DACH1: variants seen among roughly 807,000 people sequenced by gnomAD.
The protein encoded by DACH1 is dachshund family transcription factor 1.
A neutral mutation model predicts 54.2 loss-of-function variants in DACH1; 12 were observed. The ratio of observed to expected loss-of-function variants is 0.22; its 90% confidence interval spans 0.14 to 0.36. The LOEUF is 0.36. DACH1 is among the 10% of genes least tolerant of loss of function. The probability of loss-of-function intolerance (pLI) is 1.00; values close to 1 mark genes in which losing one functional copy is unlikely to be tolerated. For missense variants in DACH1, 805 were observed against 929.8 expected (o/e 0.87, Z 1.75); for synonymous variants, 386 against 366.2 (o/e 1.05, Z -0.62).
chr13:71,674,513 T>C (rs932771513), intron 2 of DACH1, among the ~76,000 whole-genome samples: 3 of 148,888 alleles, frequency 2.0e-5, no homozygotes, highest in Non-Finnish European at 4.4e-5. Flanking sequence ...GAGTCAGAAA[T>C]TGGAGCCAGG....
intron 7 of DACH1, among the ~76,000 whole-genome samples, chr13:71,483,485 A>G (rs1017101751): frequency 4.1e-5 from 6 of 147,018 alleles, no homozygotes; most frequent in African/African-American, 1.5e-4. Context: ...AATAAATAAT[A>G]TATTAATATA....
At position 71,438,698 on chromosome 13, in the gene DACH1, C is replaced by T. The variant is rs1416028645; in HGVS notation, c.*1957G>A. 1 of 152,326 alleles carries T rather than the reference C, an allele frequency of 6.6e-6. No individual in the cohort carries two copies. The highest frequency in any genetic ancestry group is 1.5e-5 in the Non-Finnish European group (1 of 67,890). The allele number at this position is 152,326 out of a possible 1,614,324, so 9.4% of individuals were successfully genotyped here. The stretch of plus-strand genomic sequence containing the variant: ...AAAATCTTTCAAAAAATGTATGATG[C>T]AAAAAGCTTGACACAAGTCCATTCA... On this transcript the variant is annotated 3_prime_UTR_variant, in exon 11 of 11. Transcript: ENST00000613252.
intron 2 of DACH1, among the ~76,000 whole-genome samples, chr13:71,678,139 T>C (rs1292954314): frequency 6.6e-6 from 1 of 152,188 alleles, no homozygotes; most frequent in Non-Finnish European, 1.5e-5. Context: ...CTTCTCAGAA[T>C]ACAAAAGTAC....
chr13:71,573,121 C>T (rs1055583766), intron 3 of DACH1, 109 bp from the exon 4 acceptor site: 193 of 1,143,898 alleles, frequency 1.7e-4, no homozygotes, highest in Non-Finnish European at 2.1e-4. Flanking sequence ...AATATTTTTC[C>T]TCTTCATATG....
At chr13:71,552,770 TATATATATATATATGGATGTGA>T (rs1183908325) in intron 6 of DACH1, among the ~76,000 whole-genome samples, 1 of 128,062 alleles carries the variant, frequency 7.8e-6, no homozygotes, top group African/African-American at 3.0e-5. Flanking sequence ...TTCATGCATA[TATATATATATATATGGATGTGA>T]ATATATATAT....
chr13:71,856,089 T>A (rs1400949786), intron 1 of DACH1, among the ~76,000 whole-genome samples: 1 of 151,950 alleles, frequency 6.6e-6, no homozygotes. Context: ...AATATTTTTT[T>A]AATTTCTTAA....
At chr13:71,551,601 T>C (rs1883821456) in intron 6 of DACH1, among the ~76,000 whole-genome samples, 1 of 152,156 alleles carries the variant, frequency 6.6e-6, no homozygotes, top group African/African-American at 2.4e-5. Context: ...TGTAGTTCCA[T>C]TCATGTTGCT....
At chr13:71,853,166 C>T (rs2138269581) in intron 1 of DACH1, among the ~76,000 whole-genome samples, 1 of 152,288 alleles carries the variant, frequency 6.6e-6, no homozygotes, top group African/African-American at 2.4e-5. Flanking sequence ...CCACATTAGA[C>T]ATTGCTAAAC....
intron 6 of DACH1, among the ~76,000 whole-genome samples, chr13:71,493,754 TA>T (rs34951209): frequency 1.3e-5 from 2 of 152,060 alleles, no homozygotes; most frequent in South Asian, 4.1e-4. Flanking sequence ...TAAAAATTTA[TA>T]AAAAATTATT....
chr13:71,828,544 A>C (rs1185444567), intron 1 of DACH1, among the ~76,000 whole-genome samples: 1 of 152,050 alleles, frequency 6.6e-6, no homozygotes, highest in Admixed American at 6.6e-5. Context: ...GGTTTGTAGC[A>C]CAAAAGCATG....
intron 1 of DACH1, among the ~76,000 whole-genome samples, chr13:71,708,110 C>T (rs2138769707): frequency 6.7e-6 from 1 of 149,544 alleles, no homozygotes; most frequent in African/African-American, 2.5e-5. Flanking sequence ...TTCACTAAAA[C>T]CAAAAATGAA....
chr13:71,565,248 G>T (rs1318695465), intron 4 of DACH1, among the ~76,000 whole-genome samples: 1 of 152,080 alleles, frequency 6.6e-6, no homozygotes, highest in Non-Finnish European at 1.5e-5. Flanking sequence ...TAAAATTGAT[G>T]AAGTTGACCA....
intron 1 of DACH1, among the ~76,000 whole-genome samples, chr13:71,741,445 A>G (rs1019416313): frequency 6.6e-6 from 1 of 152,194 alleles, no homozygotes; most frequent in Non-Finnish European, 1.5e-5. Flanking sequence ...GTTAAGGGGA[A>G]GTATTAAAAT....
At chr13:71,726,668 T>C (rs906390546) in intron 1 of DACH1, among the ~76,000 whole-genome samples, 3 of 152,034 alleles carry the variant, frequency 2.0e-5, no homozygotes, top group Non-Finnish European at 4.4e-5. Flanking sequence ...ATATCATGTA[T>C]AAAATAGTCT....
intron 4 of DACH1, among the ~76,000 whole-genome samples, chr13:71,567,275 G>T (rs1686637852): frequency 6.6e-6 from 1 of 151,886 alleles, no homozygotes; most frequent in Admixed American, 6.6e-5. Context: ...ACAATGTAGG[G>T]TAATTTGAAT....
chr13:71,610,162 T>C (rs114725806), intron 3 of DACH1, among the ~76,000 whole-genome samples: 7,793 of 151,920 alleles, frequency 0.051, 664 homozygotes, highest in African/African-American at 0.18. Flanking sequence ...GTGGGAAAGA[T>C]GATGCTGGAC....
chr13:71,858,653 T>C (rs1594310518), intron 1 of DACH1, among the ~76,000 whole-genome samples: 2 of 151,714 alleles, frequency 1.3e-5, no homozygotes, highest in East Asian at 3.9e-4. Context: ...TTTGTAACCT[T>C]AGACCAACAG....
chr13:71,775,897 C>A (rs1478329627), intron 1 of DACH1, among the ~76,000 whole-genome samples: 2 of 151,954 alleles, frequency 1.3e-5, no homozygotes, highest in Admixed American at 1.3e-4. Context: ...AATGGAATTG[C>A]TTATTTGAAG....
chr13:71,736,199 A>T (rs966914606), intron 1 of DACH1, among the ~76,000 whole-genome samples: 1 of 152,182 alleles, frequency 6.6e-6, no homozygotes, highest in African/African-American at 2.4e-5. Flanking sequence ...AGTAATAATT[A>T]TTGAAAACAA....
Sources: gnomAD v4.1 joint callset for allele counts (sites outside exome capture counted in the v4.1 genomes callset) on GRCh38, gnomAD v4.1.1 for gene constraint, MANE v1.5 for transcripts, NCBI Gene and HGNC (gene_info 2026-07-23, HGNC 2026-07-21) for gene names.